URGCP: variants seen among roughly 807,000 people sequenced by gnomAD.
URGCP encodes up-regulator of cell proliferation.
In URGCP, 13 loss-of-function variants were observed where a neutral mutation model predicts 24.6. The ratio of observed to expected loss-of-function variants is 0.53; its 90% confidence interval spans 0.34 to 0.84. The LOEUF is 0.84. Ranked by LOEUF, URGCP falls within the 40% of genes least tolerant of loss-of-function variation. URGCP has a pLI of 0.01. For missense variants in URGCP, 899 were observed against 1,194.3 expected (o/e 0.75, Z 3.64); for synonymous variants, 444 against 487.2 (o/e 0.91, Z 1.17).
At chr7:43,906,689 G>A, upstream of URGCP, 1 of 1,079,750 alleles carries the variant, frequency 9.3e-7, no homozygotes, top group Non-Finnish European at 1.1e-6. Flanking sequence ...ACGCGCTCCA[G>A]GGGTGGAGGT....
chr7:43,919,659 C>G, intron 1 of URGCP: 1 of 1,372,674 alleles, frequency 7.3e-7, no homozygotes. Flanking sequence ...CATCACCATC[C>G]TCAACACCAT....
At chr7:43,917,008 T>C (rs2095916351) in intron 1 of URGCP, among the ~76,000 whole-genome samples, 1 of 152,114 alleles carries the variant, frequency 6.6e-6, no homozygotes, top group Non-Finnish European at 1.5e-5. Flanking sequence ...AGATGGGTGA[T>C]TGTGTCCCCA....
chr7:43,914,432 G>A (rs2095913416), intron 1 of URGCP, among the ~76,000 whole-genome samples: 1 of 152,176 alleles, frequency 6.6e-6, no homozygotes, highest in Admixed American at 6.5e-5. Flanking sequence ...TTGAGCCTGG[G>A]AGATGGAGGT....
intron 1 of URGCP, among the ~76,000 whole-genome samples, chr7:43,923,313 G>T (rs2095924766): frequency 6.7e-6 from 1 of 149,422 alleles, no homozygotes; most frequent in Non-Finnish European, 1.5e-5. Context: ...AAGAGACAGG[G>T]TCTTGCTCTG....
upstream of URGCP, among the ~76,000 whole-genome samples, chr7:43,911,152 G>C (rs561732943): frequency 6.6e-6 from 1 of 152,192 alleles, no homozygotes; most frequent in South Asian, 2.1e-4. Context: ...TGTAATCCCA[G>C]CACTTTGTGA....
At chr7:43,880,801 C>A (rs904420784) in intron 5 of URGCP, among the ~76,000 whole-genome samples, 1 of 152,148 alleles carries the variant, frequency 6.6e-6, no homozygotes, top group Non-Finnish European at 1.5e-5. Context: ...GTTCCTTTCT[C>A]GAGAGAGGAA....
chr7:43,887,749 C>G (rs1342029539), intron 2 of URGCP, 41 bp downstream of exon 2: 1 of 1,547,364 alleles, frequency 6.5e-7, no homozygotes, highest in South Asian at 1.2e-5. Flanking sequence ...CTGGCCAGAG[C>G]ACAAATACAG....
chr7:43,906,144 CGATA>C (rs2095901844), intron 1 of URGCP: 1 of 152,116 alleles, frequency 6.6e-6, no homozygotes, highest in African/African-American at 2.4e-5. Flanking sequence ...CCAGGAACAT[CGATA>C]CCAGGCGCCG....
intron 1 of URGCP, among the ~76,000 whole-genome samples, chr7:43,901,400 T>A (rs1267485209): frequency 6.6e-6 from 1 of 152,218 alleles, no homozygotes; most frequent in East Asian, 1.9e-4. Flanking sequence ...CCAGGGACAC[T>A]TCTGGCCTTT....
chr7:43,881,256 T>C, intron 5 of URGCP: 1 of 702,768 alleles, frequency 1.4e-6, no homozygotes. Context: ...GTTTGGAAGC[T>C]CTGGGCCCAG....
chr7:43,879,515 G>A (rs2095850789), intron 5 of URGCP, among the ~76,000 whole-genome samples: 1 of 152,214 alleles, frequency 6.6e-6, no homozygotes, highest in Admixed American at 6.5e-5. Context: ...AGAAAGAACA[G>A]AAATAAATAA....
At chr7:43,909,205 C>T (rs1028983043), upstream of URGCP, among the ~76,000 whole-genome samples, 5 of 152,062 alleles carry the variant, frequency 3.3e-5, no homozygotes, top group Non-Finnish European at 5.9e-5. Context: ...TACACACATA[C>T]ACAAACACAC....
Position 43,920,195 on chromosome 7 carries a change from A to G in URGCP, c.-116+5937T>C, listed in dbSNP as rs1056202544. The G allele has an allele frequency of 1.1e-5, 6 of 556,538 alleles. No individual in the cohort carries two copies. In the African/African-American group the frequency reaches 1.1e-4, roughly 10 times the overall value. 34.5% of individuals were successfully genotyped at this position (556,538 alleles called of 1,614,324 possible). On this transcript the variant is annotated intron_variant, in intron 1 of 5. Coordinates refer to the URGCP transcript ENST00000426198. ...ACATGCATTTTCTGTTAGTCTGCGAACACATTACTTCTCCTCTTATGAGAC... is the reference window on the plus strand; with the variant it reads ...ACATGCATTTTCTGTTAGTCTGCGAGCACATTACTTCTCCTCTTATGAGAC...
upstream of URGCP, among the ~76,000 whole-genome samples, chr7:43,909,935 C>T (rs1156590205): frequency 1.3e-5 from 2 of 150,564 alleles, no homozygotes; most frequent in African/African-American, 4.9e-5. Context: ...CCCAACTACT[C>T]GGGAAGCTGA....
At chr7:43,884,961 G>A (rs1040850351) in intron 3 of URGCP, among the ~76,000 whole-genome samples, 16 of 152,058 alleles carry the variant, frequency 1.1e-4, no homozygotes, top group African/African-American at 3.6e-4. Flanking sequence ...ACAGATGAGA[G>A]GTGAAGTAAC....
At chr7:43,881,160 T>A in intron 5 of URGCP, 2 of 701,182 alleles carry the variant, frequency 2.9e-6, no homozygotes, top group Non-Finnish European at 5.2e-6. Flanking sequence ...GAATAACTTT[T>A]TATTTTTTAA....
chr7:43,879,366 C>T (rs1463587224), intron 5 of URGCP, 106 bp from the exon 6 acceptor site: 20 of 1,338,512 alleles, frequency 1.5e-5, no homozygotes, highest in East Asian at 4.6e-5. Flanking sequence ...AGTGACGACC[C>T]CCTTCAGAGA....
rs1451162688 is a variant in URGCP at position 43,906,362 on chromosome 7, G to GC, written c.14+199dup. On this transcript the variant is annotated intron_variant, in intron 1 of 5. Coordinates refer to ENST00000453200, the MANE Select transcript of URGCP (RefSeq NM_001077663.3). ...CTGTCCTCCGCCGGCGCCCCCGCCC[G>GC]CCCCCCACGCCCGCGCGGCCGGTCC... is the stretch of plus-strand genomic sequence containing the variant. 6 of 314,758 alleles carry GC rather than the reference G, an allele frequency of 1.9e-5. No homozygotes were observed. The East Asian group carries it at 1.5e-3, about 79-fold the overall frequency. The allele number at this position is 314,758 out of a possible 1,614,324, so 19.5% of individuals were successfully genotyped here. A position where few individuals can be genotyped will look rare whatever the true frequency, so the allele number is the denominator to read the frequency against.
In URGCP at chr7:43,917,890, G is replaced by A. The variant is rs577491371; in HGVS notation, c.-116+8242C>T. On this transcript the variant is annotated intron_variant, in intron 1 of 5. Coordinates refer to the URGCP transcript ENST00000426198. ...GAGGAGGGAGGGTTGCTTGAATCCA[G>A]GAGGTTGAGGCTGCAGTGAGCCATG... Among the ~76,000 whole-genome samples the A allele has an allele frequency of 1.3e-4, 20 of 152,218 alleles. No individual in the cohort carries two copies. The East Asian group carries it at 3.9e-3, about 29-fold the overall frequency.
Sources: allele counts gnomAD v4.1 joint callset (sites outside exome capture counted in the v4.1 genomes callset), GRCh38; gene constraint gnomAD v4.1.1; transcripts MANE v1.5; gene names NCBI Gene and HGNC (gene_info 2026-07-23, HGNC 2026-07-21).